GALNT16: variants seen among roughly 807,000 people sequenced by gnomAD.
GALNT16 encodes the protein polypeptide N-acetylgalactosaminyltransferase 16, also known as UDP-GalNAc:polypeptide N-acetylgalactosaminyltransferase-like protein 1.
GALNT16 carries 40 observed loss-of-function variants against 76.1 expected under a neutral mutation model. The ratio of observed to expected loss-of-function variants is 0.53; its 90% CI spans 0.41 to 0.68. GALNT16 has a LOEUF of 0.68. Among genes scored for constraint, GALNT16 ranks in the 30% least tolerant of loss-of-function variants. The probability of loss-of-function intolerance (pLI) is 0.00; values close to 1 mark genes in which losing one functional copy is unlikely to be tolerated. For synonymous variants in GALNT16, 276 were observed against 285.2 expected (o/e 0.97, Z 0.32); for missense variants, 621 against 731.9 (o/e 0.85, Z 1.75).
At chr14:69,290,833 C>G (rs945338273) in intron 1 of GALNT16, among the ~76,000 whole-genome samples, 3 of 152,208 alleles carry the variant, frequency 2.0e-5, no homozygotes, top group African/African-American at 7.2e-5. Flanking sequence ...ACCTTCCATC[C>G]AGGTTCCATG....
At chr14:69,265,842 T>C (rs189768562) in intron 1 of GALNT16, among the ~76,000 whole-genome samples, 4 of 152,200 alleles carry the variant, frequency 2.6e-5, no homozygotes, top group Non-Finnish European at 5.9e-5. Context: ...GTTTAGTCCC[T>C]CTTCTCTGAA....
chr14:69,262,332 C>T (rs561475198), intron 1 of GALNT16, among the ~76,000 whole-genome samples: 6 of 152,290 alleles, frequency 3.9e-5, no homozygotes, highest in Non-Finnish European at 7.4e-5. Context: ...CTTCCAGAGT[C>T]CTGTAAGATG....
intron 2 of GALNT16, among the ~76,000 whole-genome samples, chr14:69,324,443 C>A (rs1021953374): frequency 6.6e-6 from 1 of 152,068 alleles, no homozygotes. Flanking sequence ...TGGTAAAGAG[C>A]CCCCAGGCCT....
At chr14:69,284,445 G>T (rs1225981513) in intron 1 of GALNT16, among the ~76,000 whole-genome samples, 1 of 152,176 alleles carries the variant, frequency 6.6e-6, no homozygotes, top group Non-Finnish European at 1.5e-5. Flanking sequence ...TGACATTGGG[G>T]AGCCAGGGCC....
At chr14:69,322,359 G>A (rs1390205189) in intron 2 of GALNT16, among the ~76,000 whole-genome samples, 1 of 152,200 alleles carries the variant, frequency 6.6e-6, no homozygotes, top group East Asian at 1.9e-4. Flanking sequence ...CCTAGCCATG[G>A]CTGACCTAGT....
In GALNT16 at chr14:69,333,212, G is replaced by GCCCCT; in HGVS notation, c.863+43_863+44insCCCCT. 1 of 1,365,562 alleles carries GCCCCT rather than the reference G, an allele frequency of 7.3e-7. No individual in the cohort carries two copies. The highest frequency in any genetic ancestry group is 1.0e-6 in the Non-Finnish European group (1 of 975,172). 84.6% of individuals were successfully genotyped at this position (1,365,562 alleles called of 1,614,324 possible). A position where few individuals can be genotyped will look rare whatever the true frequency, so the allele number is the denominator to read the frequency against. On this transcript the variant is annotated intron_variant, in intron 8 of 14. Transcript: ENST00000448469. The surrounding 1 kb of genome is among the most constrained non-coding windows in gnomAD (Gnocchi z 4.2). ...CTCTGGGGGACCCCTTCCTTCCCTG[G>GCCCCT]GTCAGGGGCCTGGGAGGCTCTTGGG...
At chr14:69,342,889 G>A (rs2045513119) in intron 12 of GALNT16, among the ~76,000 whole-genome samples, 1 of 152,042 alleles carries the variant, frequency 6.6e-6, no homozygotes, top group African/African-American at 2.4e-5. Context: ...TTGCAGCTCC[G>A]CCTCCCTCCC....
At chr14:69,344,787 G>A (rs1014261781) in intron 12 of GALNT16, among the ~76,000 whole-genome samples, 11 of 152,130 alleles carry the variant, frequency 7.2e-5, no homozygotes, top group African/African-American at 2.7e-4. Context: ...CCTGGCCCTC[G>A]TGCTGTATTC....
intron 12 of GALNT16, among the ~76,000 whole-genome samples, chr14:69,342,426 G>A (rs1296214): frequency 0.39 from 50,208 of 129,230 alleles, 11,019 homozygotes; most frequent in Non-Finnish European, 0.49. Flanking sequence ...AAGAGGGAAG[G>A]TGAGGGGAGG....
chr14:69,325,483 T>C (rs762767237), intron 4 of GALNT16, 79 bp downstream of exon 4: 2 of 884,478 alleles, frequency 2.3e-6, no homozygotes, highest in African/African-American at 1.6e-5. Context: ...GCAAGCACCC[T>C]GAGGTTGTCC....
At chr14:69,314,661 T>C (rs1566876503) in intron 1 of GALNT16, among the ~76,000 whole-genome samples, 1 of 152,228 alleles carries the variant, frequency 6.6e-6, no homozygotes, top group Non-Finnish European at 1.5e-5. Flanking sequence ...ACCTGAGACC[T>C]TGAGCTCAGA....
chr14:69,369,465 C>T, the GALNT16 span, among the ~76,000 whole-genome samples: 1 of 152,180 alleles, frequency 6.6e-6, no homozygotes, highest in South Asian at 2.1e-4. Flanking sequence ...CTAGCAACAC[C>T]ATTCAAGACA....
intron 12 of GALNT16, 48 bp from the exon 13 acceptor site, chr14:69,346,992 A>G: frequency 6.2e-7 from 1 of 1,612,016 alleles, no homozygotes; most frequent in Non-Finnish European, 8.5e-7. Flanking sequence ...GGGTGTAGGT[A>G]AGCCTTGGGG....
chr14:69,306,370 C>T (rs73279293), intron 1 of GALNT16, among the ~76,000 whole-genome samples: 1,945 of 152,226 alleles, frequency 0.013, 49 homozygotes, highest in African/African-American at 0.045. Context: ...AAAATTGAAT[C>T]ACATGTACAC....
chr14:69,323,377 G>A (rs919660594), intron 2 of GALNT16, among the ~76,000 whole-genome samples: 4 of 152,300 alleles, frequency 2.6e-5, no homozygotes, highest in South Asian at 2.1e-4. Flanking sequence ...GGAGGGAGCC[G>A]GTGGGGAGGT....
intron 1 of GALNT16, among the ~76,000 whole-genome samples, chr14:69,262,837 C>T (rs1313671137): frequency 1.3e-5 from 2 of 152,140 alleles, no homozygotes; most frequent in Admixed American, 6.5e-5. Context: ...GTGCTGGAAG[C>T]TCCTTGCATC....
intron 1 of GALNT16, among the ~76,000 whole-genome samples, chr14:69,285,181 C>G (rs531285871): frequency 3.6e-4 from 54 of 151,798 alleles, no homozygotes; most frequent in African/African-American, 1.3e-3. Flanking sequence ...GCTGGGACTA[C>G]AGGCGCCCGC....
intron 1 of GALNT16, among the ~76,000 whole-genome samples, chr14:69,308,823 G>A (rs1242408176): frequency 6.6e-6 from 1 of 152,200 alleles, no homozygotes; most frequent in Non-Finnish European, 1.5e-5. Flanking sequence ...ATTTTTAAAT[G>A]CTGATGTTGA....
At chr14:69,376,215 T>A in the GALNT16 span, among the ~76,000 whole-genome samples, 3 of 152,200 alleles carry the variant, frequency 2.0e-5, no homozygotes, top group Non-Finnish European at 2.9e-5. Context: ...GATCCATTTT[T>A]AAACTTTGCT....
Sources: allele counts gnomAD v4.1 joint callset (sites outside exome capture counted in the v4.1 genomes callset), GRCh38; gene constraint gnomAD v4.1.1; non-coding constraint Gnocchi (gnomAD v3.1); transcripts MANE v1.5; gene names NCBI Gene and HGNC (gene_info 2026-07-23, HGNC 2026-07-21).